The following RRP15 variants were observed in gnomAD, a reference collection of about 807,000 sequenced individuals.
RRP15 encodes the protein RRP15-like protein.
A neutral mutation model predicts 27.1 loss-of-function variants in RRP15; 18 were observed. The observed-to-expected ratio is 0.66, with a 90% CI of 0.46 to 0.98. RRP15 has a LOEUF of 0.98. RRP15 is among the 50% of genes least tolerant of loss of function. The pLI, the probability that RRP15 is intolerant of heterozygous loss-of-function variation, is 0.00. For missense variants in RRP15, 359 were observed against 337.8 expected (o/e 1.06, Z -0.49); for synonymous variants, 107 against 109.4 (o/e 0.98, Z 0.14).
chr1:218,316,445 A>G (rs188207854), intron 4 of RRP15, among the ~76,000 whole-genome samples: 148 of 152,310 alleles, frequency 9.7e-4, no homozygotes, highest in African/African-American at 3.0e-3. Context: ...CCTATAATGC[A>G]TTTTTAAAAG....
intron 1 of RRP15, among the ~76,000 whole-genome samples, chr1:218,285,712 G>C (rs946005910): frequency 7.9e-5 from 12 of 152,004 alleles, no homozygotes; most frequent in African/African-American, 2.9e-4. Flanking sequence ...TAATAAAATG[G>C]GTGAAACACC....
intron 1 of RRP15, among the ~76,000 whole-genome samples, chr1:218,289,233 C>T (rs1398848434): frequency 6.6e-6 from 1 of 152,140 alleles, no homozygotes; most frequent in Non-Finnish European, 1.5e-5. Context: ...CTGGAGCTCT[C>T]CCCAGAAAAG....
At chr1:218,293,496 G>A (rs889703700) in intron 1 of RRP15, among the ~76,000 whole-genome samples, 10 of 152,152 alleles carry the variant, frequency 6.6e-5, no homozygotes, top group Non-Finnish European at 1.5e-4. Flanking sequence ...TATATTTAAA[G>A]AGTACTGACT....
chr1:218,303,715 A>G (rs1270650978), intron 2 of RRP15, among the ~76,000 whole-genome samples: 1 of 152,216 alleles, frequency 6.6e-6, no homozygotes, highest in Non-Finnish European at 1.5e-5. Context: ...TTTGAGTGCT[A>G]GAGATGATAC....
At position 218,334,958 on chromosome 1, in the gene RRP15, G is replaced by T. The variant is rs1205465993; in HGVS notation, c.*3867G>T. ...CAGTGGGCGAGCTTTTCTGAAATTT[G>T]ATTAAACATATTAGTCAAGGGAATC... On this transcript the variant is annotated 3_prime_UTR_variant, in exon 5 of 5. Transcript: ENST00000366932. The T allele has an allele frequency of 1.3e-5, 2 of 152,162 alleles. No homozygotes were observed. The highest frequency in any genetic ancestry group is 2.9e-5 in the Non-Finnish European group (2 of 68,030). 9.4% of individuals were successfully genotyped at this position (152,162 alleles called of 1,614,324 possible).
chr1:218,321,790 C>T (rs1463569399), intron 4 of RRP15, among the ~76,000 whole-genome samples: 1 of 152,000 alleles, frequency 6.6e-6, no homozygotes, highest in African/African-American at 2.4e-5. Flanking sequence ...CCCAAGCAAG[C>T]TTTTCCGATG....
intron 2 of RRP15, 146 bp from the exon 3 acceptor site, chr1:218,304,882 C>T (rs1655872204): frequency 1.5e-6 from 1 of 676,048 alleles, no homozygotes; most frequent in African/African-American, 1.8e-5. Flanking sequence ...AAGCTAAACC[C>T]CTAACATTGT....
chr1:218,329,661 T>C (rs1331847033), intron 4 of RRP15, among the ~76,000 whole-genome samples: 1 of 152,224 alleles, frequency 6.6e-6, no homozygotes, highest in African/African-American at 2.4e-5. Context: ...AAAAGTGTGC[T>C]GATGTTTGAT....
chr1:218,335,766 A>G lies in RRP15; in HGVS notation c.*4675A>G, dbSNP rs1006347909. ...GCTTTTTCCATAAACTTTTATTGATATAATTTAGGCATATACAAATACTGG... is the reference window on the plus strand; with the variant it reads ...GCTTTTTCCATAAACTTTTATTGATGTAATTTAGGCATATACAAATACTGG... On this transcript the variant is annotated 3_prime_UTR_variant, in exon 5 of 5. Transcript: ENST00000366932. 3.3e-5 allele frequency: 5 copies of G among 152,176 alleles called. No homozygotes were observed. The highest frequency in any genetic ancestry group is 4.4e-5 in the Non-Finnish European group (3 of 68,022). The allele number at this position is 152,176 out of a possible 1,614,324, so 9.4% of individuals were successfully genotyped here.
intron 4 of RRP15, among the ~76,000 whole-genome samples, chr1:218,316,749 A>T (rs142111992): frequency 1.3e-3 from 193 of 152,346 alleles, no homozygotes; most frequent in African/African-American, 4.3e-3. Context: ...CATGCCATCA[A>T]AACGAGTTCC....
At chr1:218,308,062 CTTTT>C (rs56813511) in intron 4 of RRP15, among the ~76,000 whole-genome samples, 8 of 66,904 alleles carry the variant, frequency 1.2e-4, no homozygotes, top group Non-Finnish European at 2.0e-4. Context: ...TTCTTTCTTT[CTTTT>C]TTTTTTTTTT....
chr1:218,321,533 T>C (rs1031130123), intron 4 of RRP15, among the ~76,000 whole-genome samples: 1 of 152,248 alleles, frequency 6.6e-6, no homozygotes, highest in African/African-American at 2.4e-5. Flanking sequence ...GTTAACTTTA[T>C]CTTATAGCTA....
chr1:218,308,261 G>A (rs757886464), intron 4 of RRP15, among the ~76,000 whole-genome samples: 7 of 151,056 alleles, frequency 4.6e-5, no homozygotes, highest in Non-Finnish European at 3.0e-5. Context: ...TAGTAGAGAC[G>A]GGGTTTCACC....
rs115899778 is a variant in RRP15 at position 218,321,116 on chromosome 1, A to G, written c.706-9832A>G. On this transcript the variant is annotated intron_variant, in intron 4 of 4. Transcript: ENST00000366932. Reference sequence around the variant, plus strand: ...CTTTTTCAGTGTTCAGTGGCTGCCAATGTATGTTTGCGCTTTGAAATGAAA... The same window carrying G: ...CTTTTTCAGTGTTCAGTGGCTGCCAGTGTATGTTTGCGCTTTGAAATGAAA... Among the ~76,000 whole-genome samples, 795 of 152,262 alleles carry G rather than the reference A, an allele frequency of 5.2e-3. 7 individuals carry two copies. Among genetic ancestry groups the G allele is most frequent in the African/African-American group, 0.017 (721 of 41,554 alleles).
intron 1 of RRP15, among the ~76,000 whole-genome samples, chr1:218,300,987 A>G (rs1425980454): frequency 6.6e-6 from 1 of 152,218 alleles, no homozygotes; most frequent in East Asian, 1.9e-4. Flanking sequence ...CTAGTGTTAA[A>G]TAGTATTTTA....
chr1:218,289,574 A>G (rs915619603), intron 1 of RRP15, among the ~76,000 whole-genome samples: 7 of 152,174 alleles, frequency 4.6e-5, no homozygotes, highest in African/African-American at 1.7e-4. Context: ...ACTCCCATCC[A>G]AGCTGGAAAC....
Position 218,299,371 on chromosome 1 carries a change from C to T in RRP15, c.140-2923C>T, listed in dbSNP as rs569424606. Among the ~76,000 whole-genome samples the T allele has an allele frequency of 1.5e-3, 233 of 152,102 alleles. 2 individuals carry two copies. Among genetic ancestry groups the T allele is most frequent in the African/African-American group, 5.4e-3 (222 of 41,480 alleles). On this transcript the variant is annotated intron_variant, in intron 1 of 4. Coordinates refer to ENST00000366932, the MANE Select transcript of RRP15 (RefSeq NM_016052.4). ...GTATAAAATGGTGCTATAAACTTTT[C>T]ATGGATTTATTGTGTGTTCATATTA...
intron 1 of RRP15, among the ~76,000 whole-genome samples, chr1:218,294,293 T>C (rs1056492939): frequency 1.3e-5 from 2 of 152,190 alleles, no homozygotes; most frequent in Non-Finnish European, 2.9e-5. Context: ...CAACATTATC[T>C]ACCTGGAGGT....
At chr1:218,304,268 C>T (rs1655859068) in intron 2 of RRP15, among the ~76,000 whole-genome samples, 1 of 152,160 alleles carries the variant, frequency 6.6e-6, no homozygotes, top group Non-Finnish European at 1.5e-5. Flanking sequence ...TTGATTAATG[C>T]ATTATATCAT....
Sources: allele counts gnomAD v4.1 joint callset (sites outside exome capture counted in the v4.1 genomes callset), GRCh38; gene constraint gnomAD v4.1.1; transcripts MANE v1.5; gene names NCBI Gene and HGNC (gene_info 2026-07-23, HGNC 2026-07-21).